PPP1R3A: variants seen among roughly 807,000 people sequenced by gnomAD.
PPP1R3A encodes the protein RG1.
Under a neutral mutation model 41.7 loss-of-function variants are expected in PPP1R3A, and 29 were observed. The observed-to-expected ratio is 0.70, with a 90% CI of 0.52 to 0.95. The LOEUF is 0.95. Among genes scored for constraint, PPP1R3A ranks in the 40% least tolerant of loss-of-function variants. The pLI is 0.00. For missense variants in PPP1R3A, 1,352 were observed against 1,292.4 expected, an observed-to-expected ratio of 1.05 and a Z score of -0.71; for synonymous variants, 485 against 453.4, an observed-to-expected ratio of 1.07 and a Z score of -0.89.
intron 1 of PPP1R3A, among the ~76,000 whole-genome samples, chr7:113,891,036 T>C (rs1229930966): frequency 2.1e-5 from 3 of 145,850 alleles, no homozygotes; most frequent in Admixed American, 1.4e-4. Flanking sequence ...TCTTAGTCAT[T>C]ATGTTAGTGT....
At chr7:113,907,081 C>T (rs971548874) in intron 1 of PPP1R3A, among the ~76,000 whole-genome samples, 2 of 151,774 alleles carry the variant, frequency 1.3e-5, no homozygotes, top group Non-Finnish European at 2.9e-5. Context: ...AGTGGAAGAG[C>T]TAGTGTCTGC....
chr7:113,902,838 T>C (rs1797088522), intron 1 of PPP1R3A, among the ~76,000 whole-genome samples: 1 of 151,892 alleles, frequency 6.6e-6, no homozygotes, highest in East Asian at 1.9e-4. Flanking sequence ...GTAAGCTACG[T>C]AAGGATAAGC....
chr7:113,879,058 T>C lies in PPP1R3A; in HGVS notation c.2034A>G (p.Gly678=), dbSNP rs200692158. 3.1e-6 allele frequency: 5 copies of C among 1,613,676 alleles called. No homozygotes were observed. The African/African-American group carries it at 6.7e-5, about 22-fold the overall frequency. Reference sequence around the variant, plus strand: ...CCCACACGTCTTCACAATCTGTTTGTCCTTTGATATGCTCTGTTATGTTTG... The same window carrying C: ...CCCACACGTCTTCACAATCTGTTTGCCCTTTGATATGCTCTGTTATGTTTG... The part of the protein sequence containing the change: ...NKTNITEHIK[G]QTDCEDVWGK... Residue 678 remains glycine, a synonymous_variant, in exon 4 of 4, where the codon GGA becomes GGG. Coordinates refer to ENST00000284601, the MANE Select transcript of PPP1R3A (RefSeq NM_002711.4).
chr7:113,879,995 C>A lies in PPP1R3A; in HGVS notation c.1097G>T (p.Cys366Phe). Residue 366 changes from cysteine (C) to phenylalanine (F), a missense_variant, in exon 4 of 4, where the codon TGT becomes TTT. Coordinates refer to ENST00000284601, the MANE Select transcript of PPP1R3A (RefSeq NM_002711.4). ...LEKKQIHGEI[C>F]TDLFQRSLSP... ...CAGAGACCTTTGGAACAAGTCAGTACATATTTCACCATGGATTTGCTTCTT... is the reference window on the plus strand; with the variant it reads ...CAGAGACCTTTGGAACAAGTCAGTAAATATTTCACCATGGATTTGCTTCTT... 6.2e-7 allele frequency: 1 copy of A among 1,612,840 alleles called. No individual in the cohort carries two copies. The highest frequency in any genetic ancestry group is 8.5e-7 in the Non-Finnish European group (1 of 1,179,096).
chr7:113,880,110 T>C lies in PPP1R3A; in HGVS notation c.982A>G (p.Ile328Val), dbSNP rs1418063107. The C allele has an allele frequency of 2.5e-6, 4 of 1,597,004 alleles. No homozygotes were observed. Among genetic ancestry groups the C allele is most frequent in the East Asian group, 2.2e-5 (1 of 44,718 alleles). The stretch of plus-strand genomic sequence containing the variant: ...CTGGAAGCAGTACTTCTGGTTCTTA[T>C]TAAGTGTTGATTTATCTTATGGGAT... Reference protein sequence around the residue: ...ELELMINQHLIRTRSTASRDE... With the variant: ...ELELMINQHLVRTRSTASRDE... Residue 328 changes from isoleucine to valine, a missense_variant, in exon 4 of 4, where the codon ATA becomes GTA. Ile to Val is a conservative substitution (Grantham distance 29). Coordinates refer to ENST00000284601, the MANE Select transcript of PPP1R3A (RefSeq NM_002711.4).
chr7:113,880,586 T>C (rs1369031505), intron 3 of PPP1R3A, among the ~76,000 whole-genome samples: 1 of 152,010 alleles, frequency 6.6e-6, no homozygotes, highest in African/African-American at 2.4e-5. Context: ...AAAACGTCAC[T>C]CAAAGAAAAG....
rs375864918 is a variant in PPP1R3A, at chr7:113,906,121, G to A, written c.782+12094C>T. Reference sequence around the variant, plus strand: ...AGCAGACTATATTATTTCTCAGTTCGATTTTTCATTGATATCTTTGTAACT... The same window carrying A: ...AGCAGACTATATTATTTCTCAGTTCAATTTTTCATTGATATCTTTGTAACT... On this transcript the variant is annotated intron_variant, in intron 1 of 3. Coordinates refer to ENST00000284601, the MANE Select transcript of PPP1R3A (RefSeq NM_002711.4). Among the ~76,000 whole-genome samples, 11 of 151,822 alleles carry A rather than the reference G, an allele frequency of 7.2e-5. No individual in the cohort carries two copies. In the East Asian group the frequency reaches 9.7e-4, roughly 13 times the overall value.
At chr7:113,910,083 A>C (rs1348892197) in intron 1 of PPP1R3A, among the ~76,000 whole-genome samples, 1 of 152,016 alleles carries the variant, frequency 6.6e-6, no homozygotes, top group Non-Finnish European at 1.5e-5. Flanking sequence ...GTGCAGGTGA[A>C]TTCCCATTTA....
At chr7:113,917,259 A>G (rs1797356734) in intron 1 of PPP1R3A, among the ~76,000 whole-genome samples, 1 of 151,972 alleles carries the variant, frequency 6.6e-6, no homozygotes, top group Non-Finnish European at 1.5e-5. Flanking sequence ...GACAGTTAAG[A>G]TGGACCACTC....
chr7:113,889,074 G>T (rs1227102244), intron 1 of PPP1R3A, among the ~76,000 whole-genome samples: 3 of 152,110 alleles, frequency 2.0e-5, no homozygotes, highest in African/African-American at 7.2e-5. Context: ...GGTGAAGATG[G>T]GGAATAGAGA....
At chr7:113,880,609 T>C (rs1796675154) in intron 3 of PPP1R3A, among the ~76,000 whole-genome samples, 1 of 152,008 alleles carries the variant, frequency 6.6e-6, no homozygotes, top group Admixed American at 6.6e-5. Flanking sequence ...AGGGAGTTAA[T>C]GTCTCTGCAA....
chr7:113,892,286 T>C (rs1033240591), intron 1 of PPP1R3A, among the ~76,000 whole-genome samples: 1 of 151,566 alleles, frequency 6.6e-6, no homozygotes, highest in Non-Finnish European at 1.5e-5. Context: ...CACTCAAGAG[T>C]AGTATGTCAT....
intron 1 of PPP1R3A, among the ~76,000 whole-genome samples, chr7:113,890,593 C>T (rs1796863980): frequency 6.6e-6 from 1 of 152,060 alleles, no homozygotes; most frequent in Non-Finnish European, 1.5e-5. Flanking sequence ...TATGCCATAG[C>T]TCTACGCACA....
At chr7:113,904,335 T>C (rs778682001) in intron 1 of PPP1R3A, among the ~76,000 whole-genome samples, 1 of 151,728 alleles carries the variant, frequency 6.6e-6, no homozygotes, top group East Asian at 1.9e-4. Flanking sequence ...TTTCTTCTTA[T>C]GTGAAATGGG....
At chr7:113,892,925 T>G (rs947744429) in intron 1 of PPP1R3A, among the ~76,000 whole-genome samples, 13 of 152,064 alleles carry the variant, frequency 8.5e-5, no homozygotes, top group African/African-American at 2.7e-4. Flanking sequence ...CACATTGTTT[T>G]TTTGTGGGCA....
chr7:113,898,947 C>A (rs1484241475), intron 1 of PPP1R3A, among the ~76,000 whole-genome samples: 2 of 151,762 alleles, frequency 1.3e-5, no homozygotes, highest in Non-Finnish European at 2.9e-5. Flanking sequence ...GCCTGAAAGC[C>A]ATTTCATTAA....
Position 113,879,249 on chromosome 7 carries a change from C to T in PPP1R3A, c.1843G>A (p.Gly615Ser). Residue 615 changes from glycine to serine, a missense_variant, in exon 4 of 4, where the codon GGT (glycine) becomes AGT (serine). Gly to Ser is a moderately conservative substitution (Grantham distance 56). Coordinates refer to ENST00000284601, the MANE Select transcript of PPP1R3A (RefSeq NM_002711.4). ...CCAGTTCTTGATGAACAAACTTGAC[C>T]AGTTATCCCTCCTAAAGCGCTGCCT... is the stretch of plus-strand genomic sequence containing the variant. Reference protein sequence around the residue: ...SEGSALGGITGQVCSSRTGNV... With the variant: ...SEGSALGGITSQVCSSRTGNV... 2 of 1,613,628 alleles carry T rather than the reference C, an allele frequency of 1.2e-6. No homozygotes were observed. Among genetic ancestry groups the T allele is most frequent in the African/African-American group, 1.3e-5 (1 of 74,982 alleles).
At chr7:113,905,232 T>C (rs1365191094) in intron 1 of PPP1R3A, among the ~76,000 whole-genome samples, 1 of 151,716 alleles carries the variant, frequency 6.6e-6, no homozygotes, top group Non-Finnish European at 1.5e-5. Flanking sequence ...TTTCCTAAAA[T>C]ATGTTTCCAA....
intron 1 of PPP1R3A, among the ~76,000 whole-genome samples, chr7:113,906,278 T>C (rs1223923332): frequency 6.6e-6 from 1 of 151,810 alleles, no homozygotes; most frequent in African/African-American, 2.4e-5. Context: ...CTATCTGTTG[T>C]TTTTAACATA....
Sources: gnomAD v4.1 joint callset for allele counts (sites outside exome capture counted in the v4.1 genomes callset) on GRCh38, gnomAD v4.1.1 for gene constraint, MANE v1.5 for transcripts, NCBI Gene and HGNC (gene_info 2026-07-23, HGNC 2026-07-21) for gene names.